EFCAB6: variants seen among roughly 807,000 people sequenced by gnomAD.
EFCAB6 encodes EF-hand calcium binding domain 6, also known as EF-hand calcium-binding domain-containing protein 6.
A neutral mutation model predicts 169.8 loss-of-function variants in EFCAB6; 156 were observed. The observed-to-expected ratio is 0.92, with a 90% CI of 0.81 to 1.05. The LOEUF (loss-of-function observed/expected upper bound fraction) is 1.05, where lower values mean the gene tolerates loss of function less well. Among genes scored for constraint, EFCAB6 ranks in the 50% least tolerant of loss-of-function variants. EFCAB6 has a pLI of 0.00. For missense variants in EFCAB6, 1,800 were observed against 1,829.1 expected (o/e 0.98, Z 0.29); for synonymous variants, 698 against 676.4 (o/e 1.03, Z -0.50).
At position 43,678,125 on chromosome 22, in the gene EFCAB6, A is replaced by G; in HGVS notation, c.1290T>C (p.Tyr430=). ...GTTTTACAGCCATGCAATTTAGAATATATCGAAATTCTTCTCTTGTTATCG... is the reference window on the plus strand; with the variant it reads ...GTTTTACAGCCATGCAATTTAGAATGTATCGAAATTCTTCTCTTGTTATCG... ...DGPITREEFR[Y]ILNCMAVKLS... The change falls in exon 13 of 32, where the codon TAT becomes TAC. Residue 430 remains tyrosine (Y), a synonymous_variant. Coordinates refer to ENST00000262726, the MANE Select transcript of EFCAB6 (RefSeq NM_022785.4). The G allele has an allele frequency of 6.2e-7, 1 of 1,613,222 alleles. No individual in the cohort carries two copies. Among genetic ancestry groups the G allele is most frequent in the Non-Finnish European group, 8.5e-7 (1 of 1,179,732 alleles).
At chr22:43,617,423 T>C (rs1194801697) in intron 20 of EFCAB6, among the ~76,000 whole-genome samples, 4 of 152,226 alleles carry the variant, frequency 2.6e-5, no homozygotes, top group Non-Finnish European at 4.4e-5. Flanking sequence ...AACAGCCCTA[T>C]GCCCCCTACT....
At chr22:43,759,142 A>G (rs572557305) in intron 5 of EFCAB6, 19 of 152,394 alleles carry the variant, frequency 1.2e-4, no homozygotes, top group African/African-American at 4.6e-4. Context: ...TCCACAGGCT[A>G]GAGTCAGCTA....
rs146512643 is a variant in EFCAB6 at position 43,715,362 on chromosome 22, C to T, written c.882+1486G>A. Among the ~76,000 whole-genome samples, 641 of 152,268 alleles carry T rather than the reference C, an allele frequency of 4.2e-3. 2 individuals carry two copies. Among genetic ancestry groups the T allele is most frequent in the Middle Eastern group, 0.031 (9 of 294 alleles). ...CCTATTCATGCCTCAGTGTCCTCAG[C>T]TGGACGATCACAGTGCGCTGCTCAT... On this transcript the variant is annotated intron_variant, in intron 9 of 31. Coordinates refer to ENST00000262726, the MANE Select transcript of EFCAB6 (RefSeq NM_022785.4).
At chr22:43,660,176 T>C (rs922465480) in intron 17 of EFCAB6, among the ~76,000 whole-genome samples, 1 of 152,206 alleles carries the variant, frequency 6.6e-6, no homozygotes, top group African/African-American at 2.4e-5. Context: ...TCCTGATAGA[T>C]TGTACAGCTC....
intron 6 of EFCAB6, among the ~76,000 whole-genome samples, chr22:43,737,616 C>G (rs2060195611): frequency 1.3e-5 from 2 of 151,016 alleles, no homozygotes; most frequent in Non-Finnish European, 2.9e-5. Context: ...CATATATTCA[C>G]ACACACACAT....
At chr22:43,637,725 T>A (rs1300921962) in intron 17 of EFCAB6, among the ~76,000 whole-genome samples, 3 of 152,186 alleles carry the variant, frequency 2.0e-5, no homozygotes, top group African/African-American at 7.2e-5. Flanking sequence ...CATCTGCACA[T>A]GGTCCCCGGC....
intron 17 of EFCAB6, among the ~76,000 whole-genome samples, chr22:43,637,138 G>T (rs1407462288): frequency 6.6e-6 from 1 of 152,150 alleles, no homozygotes; most frequent in Non-Finnish European, 1.5e-5. Context: ...CTAAGGAGCT[G>T]CCCTGAGCCC....
intron 9 of EFCAB6, among the ~76,000 whole-genome samples, chr22:43,713,059 T>G (rs2059215811): frequency 6.6e-6 from 1 of 152,214 alleles, no homozygotes; most frequent in South Asian, 2.1e-4. Context: ...ATTTTCCATC[T>G]TCATATGTTT....
chr22:43,643,869 G>A (rs543117436), intron 17 of EFCAB6, among the ~76,000 whole-genome samples: 64 of 151,882 alleles, frequency 4.2e-4, no homozygotes, highest in African/African-American at 1.5e-3. Flanking sequence ...TGTCACCCAG[G>A]CTGGAGCGCA....
chr22:43,592,267 T>C (rs1345165134), intron 23 of EFCAB6, among the ~76,000 whole-genome samples: 1 of 152,224 alleles, frequency 6.6e-6, no homozygotes, highest in African/African-American at 2.4e-5. Context: ...CCATGACATT[T>C]GAGTACTTAA....
intron 10 of EFCAB6, among the ~76,000 whole-genome samples, chr22:43,710,790 C>T (rs986684227): frequency 1.3e-5 from 2 of 152,080 alleles, no homozygotes. Flanking sequence ...GTCCCCCCCA[C>T]TCCCCACAAA....
chr22:43,573,732 C>CA lies in EFCAB6; in HGVS notation c.3420+2564dup, dbSNP rs748024357. Among the ~76,000 whole-genome samples the CA allele has an allele frequency of 8.2e-3, 696 of 85,272 alleles. 3 individuals are homozygous for CA. The highest frequency in any genetic ancestry group is 0.015 in the East Asian group (32 of 2,140). 55.9% of individuals were successfully genotyped at this position (85,272 alleles called of 152,430 possible). On this transcript the variant is annotated intron_variant, in intron 26 of 31. Coordinates refer to ENST00000262726, the MANE Select transcript of EFCAB6 (RefSeq NM_022785.4). ...GGCAACAAGAGTGAGTCTGTCTCAA[C>CA]AAAAAAAAAAAAAAAAAAAAAAGGA...
intron 5 of EFCAB6, 55 bp downstream of exon 5, chr22:43,765,250 C>T: frequency 7.3e-7 from 1 of 1,374,182 alleles, no homozygotes; most frequent in Admixed American, 1.7e-5. Flanking sequence ...CACGTCATAG[C>T]TCTTACTCAT....
In EFCAB6 at chr22:43,716,970, C is replaced by A. The variant is rs2059352990; in HGVS notation, c.760G>T (p.Val254Phe). The A allele has an allele frequency of 1.5e-5, 23 of 1,523,288 alleles. No individual in the cohort carries two copies. The highest frequency in any genetic ancestry group is 2.1e-5 in the Admixed American group (1 of 46,914). 94.4% of individuals were successfully genotyped at this position (1,523,288 alleles called of 1,614,324 possible). ...TTGGCTTGTTGATTCTCCAACGAGA[C>A]CTCTGTTGAAACAAAATAGCTTCGG... is the stretch of plus-strand genomic sequence containing the variant. ...NLRYCMGNQE[V>F]SLENQQAKNS... is the part of the protein sequence containing the mutation. The change falls in exon 9 of 32, where the codon GTC (valine) becomes TTC (phenylalanine). Residue 254 changes from valine to phenylalanine, a missense_variant and splice_region_variant. Val to Phe is a conservative substitution (Grantham distance 50, BLOSUM62 -1). Coordinates refer to ENST00000262726, the MANE Select transcript of EFCAB6 (RefSeq NM_022785.4).
intron 26 of EFCAB6, among the ~76,000 whole-genome samples, chr22:43,565,886 T>C (rs1409251352): frequency 2.0e-5 from 3 of 152,112 alleles, no homozygotes; most frequent in Non-Finnish European, 2.9e-5. Context: ...CTTCTAAGAA[T>C]TGAAAAATTA....
Position 43,683,671 on chromosome 22 carries a change from T to C in EFCAB6, c.1251+76A>G, listed in dbSNP as rs2058085914. On this transcript the variant is annotated intron_variant, in intron 12 of 31. Coordinates refer to ENST00000262726, the MANE Select transcript of EFCAB6 (RefSeq NM_022785.4). ...GGATAAATGAACGAATATGGAGTTG[T>C]TATTGGTCTTGTTCTGAGTGTTTGC... is the stretch of plus-strand genomic sequence containing the variant. 3 of 1,033,748 alleles carry C rather than the reference T, an allele frequency of 2.9e-6. No individual in the cohort carries two copies. The East Asian group carries it at 7.1e-5, about 25-fold the overall frequency. The allele number at this position is 1,033,748 out of a possible 1,614,324, so 64.0% of individuals were successfully genotyped here.
chr22:43,615,175 T>TTA (rs1191106891), intron 21 of EFCAB6, among the ~76,000 whole-genome samples: 1 of 152,244 alleles, frequency 6.6e-6, no homozygotes, highest in South Asian at 2.1e-4. Context: ...AAAATACTTA[T>TTA]TAGAGGGAAG....
At chr22:43,789,750 G>A (rs2062209262) in intron 2 of EFCAB6, among the ~76,000 whole-genome samples, 1 of 151,758 alleles carries the variant, frequency 6.6e-6, no homozygotes, top group Admixed American at 6.6e-5. Flanking sequence ...TTCCTTTTTG[G>A]CTACTCTCAA....
intron 3 of EFCAB6, among the ~76,000 whole-genome samples, chr22:43,780,870 C>T (rs1016688631): frequency 2.6e-5 from 4 of 152,218 alleles, no homozygotes; most frequent in Admixed American, 6.5e-5. Context: ...CACCCAATTA[C>T]AAGGCAAAAC....
Sources: gnomAD v4.1 joint callset for allele counts (sites outside exome capture counted in the v4.1 genomes callset) on GRCh38, gnomAD v4.1.1 for gene constraint, MANE v1.5 for transcripts, NCBI Gene and HGNC (gene_info 2026-07-23, HGNC 2026-07-21) for gene names.